Variants in ZNF630 observed in about 807,000 individuals in gnomAD.
ZNF630 encodes dJ54B20.2 (novel KRAB box containing C2H2 type zinc finger protein).
In ZNF630, 5 loss-of-function variants were observed where a neutral mutation model predicts 7.2. That is an observed-to-expected ratio of 0.70 (90% confidence interval 0.36 to 1.46). The LOEUF (loss-of-function observed/expected upper bound fraction) is 1.46, where lower values mean the gene tolerates loss of function less well. Among genes scored for constraint, ZNF630 ranks in the 40% most tolerant of loss-of-function variants. ZNF630 has a pLI of 0.03. For synonymous variants in ZNF630, 158 were observed against 162.8 expected (o/e 0.97, Z 0.23); for missense variants, 461 against 477.0 (o/e 0.97, Z 0.31).
rs782090916 is a variant in ZNF630, at chrX:48,059,564, C to T, written c.878G>A (p.Cys293Tyr). The change falls in exon 5 of 5, where the codon TGT becomes TAT. Residue 293 changes from cysteine (C) to tyrosine (Y), a missense_variant. Transcript: ENST00000276054. ...ACTGAAGGCTTTCCTACAATCTCCACATACATATGGTTTCTCTCCAGTATG... is the reference window on the plus strand; with the variant it reads ...ACTGAAGGCTTTCCTACAATCTCCATATACATATGGTTTCTCTCCAGTATG... Reference protein sequence around the residue: ...RIHTGEKPYVCGDCRKAFSEK... With the variant: ...RIHTGEKPYVYGDCRKAFSEK... The T allele has an allele frequency of 4.1e-6, 5 of 1,208,196 alleles. No homozygotes were observed. Among genetic ancestry groups the T allele is most frequent in the Admixed American group, 4.4e-5 (2 of 45,928 alleles).
intron 1 of ZNF630, among the ~76,000 whole-genome samples, 158 bp from the exon 2 acceptor site, chrX:48,067,219 CA>C (rs2059135076): frequency 8.9e-6 from 1 of 111,815 alleles, no homozygotes; most frequent in African/African-American, 3.3e-5. Context: ...CCAGATGATT[CA>C]AAAAGGTTCA....
At position 48,057,839 on chromosome X, in the gene ZNF630, T is replaced by A. The variant is rs1332645815; in HGVS notation, c.*629A>T. Among the ~76,000 whole-genome samples, 1 of 110,759 alleles carries A rather than the reference T, an allele frequency of 9.0e-6. No individual in the cohort carries two copies. The highest frequency in any genetic ancestry group is 3.3e-5 in the African/African-American group (1 of 30,339). ...GGGAAGCCGAAGTGGGTGGATCACCTGAGGTCAGGAGTTCGAGACCAGCCT... is the reference window on the plus strand; with the variant it reads ...GGGAAGCCGAAGTGGGTGGATCACCAGAGGTCAGGAGTTCGAGACCAGCCT... On this transcript the variant is annotated 3_prime_UTR_variant, in exon 5 of 5. Transcript: ENST00000276054.
chrX:48,060,536 C>A lies in ZNF630; in HGVS notation c.152G>T (p.Gly51Val), dbSNP rs1254178217. ...CTTAAAGATTACATCTGGTTTTATA[C>A]CTGAACACCCTGTTAAGAGAAAATT... ...YNHLVSVGCS[G>V]IKPDVIFKLE... Residue 51 changes from glycine to valine, a missense_variant, in exon 4 of 5, where the codon GGT (glycine) becomes GTT (valine). By Grantham distance (109) the Gly-to-Val change is moderately radical. Transcript: ENST00000276054. The A allele has an allele frequency of 1.7e-6, 2 of 1,198,923 alleles. No homozygotes were observed. The highest frequency in any genetic ancestry group is 2.3e-6 in the Non-Finnish European group (2 of 888,039).
At chrX:48,064,065 G>A in intron 2 of ZNF630, among the ~76,000 whole-genome samples, 1 of 110,639 alleles carries the variant, frequency 9.0e-6, no homozygotes, top group East Asian at 2.8e-4. Context: ...GGTCTGGTTA[G>A]GTCATGTACT....
Position 48,060,204 on chromosome X carries a change from C to T in ZNF630, c.239-1G>A. 1 of 1,125,855 alleles carries T rather than the reference C, an allele frequency of 8.9e-7. No individual in the cohort carries two copies. The highest frequency in any genetic ancestry group is 1.2e-6 in the Non-Finnish European group (1 of 854,302). 92.8% of individuals were successfully genotyped at this position (1,125,855 alleles called of 1,213,427 possible). A position where few individuals can be genotyped will look rare whatever the true frequency, so the allele number is the denominator to read the frequency against. On this transcript the variant is annotated splice_acceptor_variant, in intron 4 of 4. Transcript: ENST00000276054. LOFTEE classifies it high-confidence loss of function. ...GAAGATTCAAGGCCTTTCACTCTGT[C>T]TGAAGGAAGAAGAAAGAGGGAAAAT... is the stretch of plus-strand genomic sequence containing the variant.
In ZNF630 at chrX:48,058,601, A is replaced by G; in HGVS notation, c.1841T>C (p.Met614Thr). Residue 614 changes from methionine (M) to threonine (T), a missense_variant, in exon 5 of 5, where the codon ATG becomes ACG. By Grantham distance (81) the Met-to-Thr change is moderately conservative. Transcript: ENST00000276054. ...AGTGTGTCTTCTCTGATATGTAATCATCTGTGATTTCCAGAAAAAAGTCAT... is the reference window on the plus strand; with the variant it reads ...AGTGTGTCTTCTCTGATATGTAATCGTCTGTGATTTCCAGAAAAAAGTCAT... Reference protein sequence around the residue: ...SGMTFFWKSQMITYQRRHTGE... With the variant: ...SGMTFFWKSQTITYQRRHTGE... The G allele has an allele frequency of 8.3e-7, 1 of 1,208,370 alleles. No homozygotes were observed. The highest frequency in any genetic ancestry group is 1.1e-6 in the Non-Finnish European group (1 of 893,178).
rs782225478 is a variant in ZNF630, at chrX:48,060,893, T to C, written c.68A>G (p.Gln23Arg). 4 of 1,204,454 alleles carry C rather than the reference T, an allele frequency of 3.3e-6. No individual in the cohort carries two copies. The highest frequency in any genetic ancestry group is 4.5e-6 in the Non-Finnish European group (4 of 891,526). Reference protein sequence around the residue: ...VAVDFTQEEWQQLNPAQKTLH... With the variant: ...VAVDFTQEEWRQLNPAQKTLH... ...GGTCTTCTGAGCAGGATTCAACTGC[T>C]GCCACTCTTCCTGCGTGAAGTCCAC... is the stretch of plus-strand genomic sequence containing the variant. Residue 23 changes from glutamine to arginine, a missense_variant, in exon 3 of 5, where the codon CAG becomes CGG. By Grantham distance (43) the Gln-to-Arg change is conservative (BLOSUM62 1). Transcript: ENST00000276054.
In ZNF630 at chrX:48,058,233, T is replaced by C; in HGVS notation, c.*235A>G. 3.4e-6 allele frequency: 1 copy of C among 295,653 alleles called. No homozygotes were observed. Among genetic ancestry groups the C allele is most frequent in the Non-Finnish European group, 5.9e-6 (1 of 170,684 alleles). 24.4% of individuals were successfully genotyped at this position (295,653 alleles called of 1,213,427 possible). A position where few individuals can be genotyped will look rare whatever the true frequency, so the allele number is the denominator to read the frequency against. ...CCAAAGTAGTGCTAATTCTTCCAGA[T>C]ACATTTATTCTGTGAAGAGGGCTGA... On this transcript the variant is annotated 3_prime_UTR_variant, in exon 5 of 5. Coordinates refer to ENST00000276054, the MANE Select transcript of ZNF630 (RefSeq NM_001282201.2).
intron 2 of ZNF630, among the ~76,000 whole-genome samples, chrX:48,062,980 G>GGGAA (rs1386018243): frequency 1.0e-5 from 1 of 100,271 alleles, no homozygotes; most frequent in African/African-American, 3.7e-5. Flanking sequence ...GAGAGAGGGA[G>GGGAA]GGAGGGAGGG....
At chrX:48,069,949 C>T (rs191446885) in intron 1 of ZNF630, among the ~76,000 whole-genome samples, 5,350 of 107,392 alleles carry the variant, frequency 0.05, 154 homozygotes, top group African/African-American at 0.1. Context: ...GCTCCGCCTC[C>T]CTGGTTCACT....
rs782317660 is a variant in ZNF630, at chrX:48,059,123, A to T, written c.1319T>A (p.Phe440Tyr). 3 of 1,208,609 alleles carry T rather than the reference A, an allele frequency of 2.5e-6. No homozygotes were observed. In the South Asian group the frequency reaches 5.3e-5, roughly 21 times the overall value. Residue 440 changes from phenylalanine to tyrosine, a missense_variant, in exon 5 of 5, where the codon TTC (phenylalanine) becomes TAC (tyrosine). Phe to Tyr is a conservative substitution (Grantham distance 22). Transcript: ENST00000276054. The stretch of plus-strand genomic sequence containing the variant: ...TCCTATGAGGTGGGACTGTTGGCAG[A>T]AAGTTTTCCCACATTCACCACACTT... ...PYKCGECGKT[F>Y]CQQSHLIGHQ... is the part of the protein sequence containing the mutation.
intron 2 of ZNF630, chrX:48,061,741 T>A (rs1556909219): frequency 3.1e-6 from 1 of 320,857 alleles, no homozygotes; most frequent in African/African-American, 2.7e-5. Flanking sequence ...GTCTGGCATT[T>A]CCCTTGCTGG....
intron 1 of ZNF630, among the ~76,000 whole-genome samples, chrX:48,070,403 G>T (rs1603238315): frequency 9.3e-6 from 1 of 107,792 alleles, no homozygotes; most frequent in East Asian, 3.0e-4. Flanking sequence ...CTGAGGTCAA[G>T]AGTTCGGGAC....
In ZNF630 at chrX:48,059,271, A is replaced by G. The variant is rs2059088176; in HGVS notation, c.1171T>C (p.Phe391Leu). The G allele has an allele frequency of 5.0e-6, 6 of 1,208,460 alleles. No homozygotes were observed. The highest frequency in any genetic ancestry group is 5.6e-6 in the Non-Finnish European group (5 of 893,194). ...CCAGTATGAGTTATCTGGTGTATAA[A>G]AAGGTGAGACATCTCACAGAAGGCT... ...RKAFCEMSHL[F>L]IHQITHTGKK... Residue 391 changes from phenylalanine to leucine, a missense_variant, in exon 5 of 5, where the codon TTT (phenylalanine) becomes CTT (leucine). By Grantham distance (22) the Phe-to-Leu change is conservative. Transcript: ENST00000276054.
rs371677582 is a variant in ZNF630 at position 48,059,020 on chromosome X, G to T, written c.1422C>A (p.Leu474=). 3.3e-6 allele frequency: 4 copies of T among 1,205,416 alleles called. No individual in the cohort carries two copies. In the African/African-American group the frequency reaches 7.1e-5, roughly 21 times the overall value. The change falls in exon 5 of 5, where the codon CTC becomes CTA. Residue 474 remains leucine (L), a synonymous_variant. Coordinates refer to ENST00000276054, the MANE Select transcript of ZNF630 (RefSeq NM_001282201.2). The part of the protein sequence containing the change: ...CGKAFSQKSH[L]TGHQRLHTGE... ...CAGTATGAAGTCTTTGATGGCCAGTGAGGTGTGACTTCTGGGAAAAGGCCT... is the reference window on the plus strand; with the variant it reads ...CAGTATGAAGTCTTTGATGGCCAGTTAGGTGTGACTTCTGGGAAAAGGCCT...
intron 2 of ZNF630, among the ~76,000 whole-genome samples, chrX:48,062,255 G>A (rs1468076666): frequency 3.6e-5 from 4 of 112,054 alleles, no homozygotes; most frequent in Admixed American, 9.4e-5. Flanking sequence ...CCTCTGACTC[G>A]CAATTTGGTT....
At position 48,069,848 on chromosome X, in the gene ZNF630, T is replaced by TG. The variant is rs1413744800; in HGVS notation, c.-176+1418_-176+1419insC. Among the ~76,000 whole-genome samples, 184 of 46,168 alleles carry TG rather than the reference T, an allele frequency of 4.0e-3. 5 individuals carry two copies. Among genetic ancestry groups the TG allele is most frequent in the African/African-American group, 9.3e-3 (165 of 17,717 alleles). The allele number at this position is 46,168 out of a possible 115,157, so 40.1% of individuals were successfully genotyped here. ...TTCCACAGGACATTGTCTGTTTTTT[T>TG]TTTTTTTGTTTTTTGTTTTTTGTTT... On this transcript the variant is annotated intron_variant, in intron 1 of 4. Coordinates refer to ENST00000276054, the MANE Select transcript of ZNF630 (RefSeq NM_001282201.2).
chrX:48,067,350 A>G (rs1556910227), intron 1 of ZNF630, among the ~76,000 whole-genome samples: 1 of 112,490 alleles, frequency 8.9e-6, no homozygotes. Flanking sequence ...GATAACATTA[A>G]GGAATTTAAC....
intron 1 of ZNF630, among the ~76,000 whole-genome samples, chrX:48,068,020 C>T (rs2059138588): frequency 9.3e-6 from 1 of 108,033 alleles, no homozygotes; most frequent in African/African-American, 3.4e-5. Context: ...CGAGATTGAG[C>T]CACTGCACTT....
Sources: gnomAD v4.1 joint callset for allele counts (sites outside exome capture counted in the v4.1 genomes callset) on GRCh38, gnomAD v4.1.1 for gene constraint, MANE v1.5 for transcripts, NCBI Gene and HGNC (gene_info 2026-07-23, HGNC 2026-07-21) for gene names.